E2F7: variants seen among roughly 807,000 people sequenced by gnomAD.
The protein encoded by E2F7 is transcription factor E2F7.
E2F7 carries 35 observed loss-of-function variants against 81.1 expected under a neutral mutation model. The observed-to-expected ratio is 0.43, with a 90% CI of 0.33 to 0.57. The LOEUF (loss-of-function observed/expected upper bound fraction) is 0.57, where lower values mean the gene tolerates loss of function less well. Ranked by LOEUF, E2F7 falls within the 20% of genes least tolerant of loss-of-function variation. The pLI, the probability that E2F7 is intolerant of heterozygous loss-of-function variation, is 0.04. For missense variants in E2F7, 961 were observed against 1,093.7 expected, an observed-to-expected ratio of 0.88 and a Z score of 1.71; for synonymous variants, 416 against 416.2, an observed-to-expected ratio of 1.00 and a Z score of 0.01.
chr12:77,033,442 G>C (rs1482768443), intron 8 of E2F7, among the ~76,000 whole-genome samples: 1 of 152,114 alleles, frequency 6.6e-6, no homozygotes, highest in Non-Finnish European at 1.5e-5. Flanking sequence ...AGTCTGAGAG[G>C]TCAAGGCTGC....
chr12:77,025,691 G>A lies in E2F7; in HGVS notation c.2432C>T (p.Ser811Phe). 6.2e-7 allele frequency: 1 copy of A among 1,614,220 alleles called. No homozygotes were observed. Among genetic ancestry groups the A allele is most frequent in the Non-Finnish European group, 8.5e-7 (1 of 1,180,052 alleles). ...VVNPKSSTLP[S>F]ADPQLQSQPS... The stretch of plus-strand genomic sequence containing the variant: ...CTGACTCTGAAGCTGAGGGTCTGCA[G>A]AAGGGAGTGTGGACGACTTTGGATT... Residue 811 changes from serine to phenylalanine, a missense_variant, in exon 12 of 13, where the codon TCT (serine) becomes TTT (phenylalanine). Ser to Phe is a radical substitution (Grantham distance 155, BLOSUM62 -2). Around this residue, in one of 3 missense-constraint regions of E2F7, gnomAD observed 587 missense variants for 620.3 expected, o/e 0.95. Coordinates refer to ENST00000322886, the MANE Select transcript of E2F7 (RefSeq NM_203394.3).
chr12:77,064,858 GA>G (rs968945405), intron 1 of E2F7, among the ~76,000 whole-genome samples: 2 of 152,126 alleles, frequency 1.3e-5, no homozygotes, highest in African/African-American at 2.4e-5. Context: ...AATCTGGGAA[GA>G]AAAAAATCTA....
At chr12:77,038,360 G>A (rs1042288394) in intron 7 of E2F7, among the ~76,000 whole-genome samples, 4 of 152,030 alleles carry the variant, frequency 2.6e-5, no homozygotes, top group African/African-American at 9.7e-5. Flanking sequence ...GACTCTATCT[G>A]TACCATAAAA....
At chr12:77,032,694 T>C (rs867382528) in intron 9 of E2F7, among the ~76,000 whole-genome samples, 3 of 152,238 alleles carry the variant, frequency 2.0e-5, no homozygotes, top group South Asian at 2.1e-4. Context: ...CTAAGGCTCC[T>C]GGAACGGTAC....
intron 2 of E2F7, among the ~76,000 whole-genome samples, chr12:77,063,045 C>T (rs577145899): frequency 3.9e-5 from 6 of 152,290 alleles, no homozygotes; most frequent in Non-Finnish European, 7.4e-5. Context: ...TGAAATCTCA[C>T]GTCATCCTGC....
chr12:77,045,874 C>A (rs1457045771), intron 5 of E2F7, 164 bp downstream of exon 5: 2 of 880,834 alleles, frequency 2.3e-6, no homozygotes, highest in African/African-American at 3.4e-5. Flanking sequence ...AGTGGGCAGT[C>A]CAGTTGGGGA....
At chr12:77,038,364 C>T (rs902373056) in intron 7 of E2F7, among the ~76,000 whole-genome samples, 4 of 151,952 alleles carry the variant, frequency 2.6e-5, no homozygotes, top group African/African-American at 9.7e-5. Context: ...CTATCTGTAC[C>T]ATAAAACAAG....
intron 6 of E2F7, among the ~76,000 whole-genome samples, chr12:77,044,046 G>A (rs1954918277): frequency 6.6e-6 from 1 of 152,150 alleles, no homozygotes; most frequent in African/African-American, 2.4e-5. Context: ...TAGGGTGACT[G>A]TAATTTCAGC....
At chr12:77,060,134 A>G (rs1003273386) in intron 2 of E2F7, among the ~76,000 whole-genome samples, 1 of 152,020 alleles carries the variant, frequency 6.6e-6, no homozygotes, top group East Asian at 1.9e-4. Flanking sequence ...TGATCCCAAG[A>G]GTACTTCCTA....
At position 77,044,707 on chromosome 12, in the gene E2F7, G is replaced by A. The variant is rs753470066; in HGVS notation, c.918C>T (p.Val306=). ...GTATTTTGGCAGCCACATCCAGAGT[G>A]ACAATCTTGGTTTTGGAGACGAGGA... The part of the protein sequence containing the change: ...MLFLVSKTKI[V]TLDVAAKILI... Residue 306 remains valine, a synonymous_variant, in exon 6 of 13, where the codon GTC becomes GTT. Coordinates refer to ENST00000322886, the MANE Select transcript of E2F7 (RefSeq NM_203394.3). 1.2e-6 allele frequency: 2 copies of A among 1,614,142 alleles called. No homozygotes were observed. Among genetic ancestry groups the A allele is most frequent in the Non-Finnish European group, 1.7e-6 (2 of 1,180,014 alleles).
chr12:77,025,928 C>G lies in E2F7; in HGVS notation c.2195G>C (p.Gly732Ala). ...AGACGGCAGCTGACCTGAGGACGGG[C>G]CCACAGTAGGGGGGGTTTGACTGCC... ...LSGSQTPPTVGPSSGQLPSFS... is the reference protein window; with the variant it reads ...LSGSQTPPTVAPSSGQLPSFS... The change falls in exon 12 of 13, where the codon GGC (glycine) becomes GCC (alanine). Residue 732 changes from glycine to alanine, a missense_variant. Physicochemically the swap from Gly to Ala is moderately conservative, Grantham distance 60 (BLOSUM62 0). Coordinates refer to ENST00000322886, the MANE Select transcript of E2F7 (RefSeq NM_203394.3). 6.2e-7 allele frequency: 1 copy of G among 1,613,960 alleles called. No individual in the cohort carries two copies. Among genetic ancestry groups the G allele is most frequent in the Non-Finnish European group, 8.5e-7 (1 of 1,179,966 alleles).
chr12:77,027,999 A>T lies in E2F7; in HGVS notation c.2024T>A (p.Val675Asp), dbSNP rs151334848. Residue 675 changes from valine (V) to aspartate (D), a missense_variant, in exon 11 of 13, where the codon GTT becomes GAT. Physicochemically the swap from Val to Asp is radical, Grantham distance 152. Coordinates refer to ENST00000322886, the MANE Select transcript of E2F7 (RefSeq NM_203394.3). The part of the protein sequence containing the change: ...ISGKATANSL[V>D]SSEWGNPSRN... ...TGAAGGATTTCCCCACTCAGAAGAA[A>T]CAAGAGAGTTTGCTGTTGCCTTTCC... The T allele has an allele frequency of 7.2e-5, 116 of 1,614,182 alleles. No individual in the cohort carries two copies. In the African/African-American group the frequency reaches 1.3e-3, roughly 19 times the overall value.
At chr12:77,027,855 G>C (rs761568077) in intron 11 of E2F7, 28 bp downstream of exon 11, 32 of 1,608,352 alleles carry the variant, frequency 2.0e-5, no homozygotes, top group Non-Finnish European at 2.7e-5. Flanking sequence ...TGCCGCAAGG[G>C]ACTCTAAGAC....
intron 5 of E2F7, 143 bp downstream of exon 5, chr12:77,045,895 T>C: frequency 9.1e-7 from 1 of 1,102,032 alleles, no homozygotes; most frequent in Non-Finnish European, 1.3e-6. Context: ...GCCATCTGCT[T>C]CTCTTTCTTC....
At position 77,050,377 on chromosome 12, in the gene E2F7, T is replaced by A. The variant is rs541460990; in HGVS notation, c.538+199A>T. Among the ~76,000 whole-genome samples the A allele has an allele frequency of 4.6e-5, 7 of 152,362 alleles. No individual in the cohort carries two copies. The South Asian group carries it at 1.4e-3, about 32-fold the overall frequency. Reference sequence around the variant, plus strand: ...GGTTAAAAAAGACTGCATTTTCATTTGGTCCTCAGGTCTAAAAGGCTCCCT... The same window carrying A: ...GGTTAAAAAAGACTGCATTTTCATTAGGTCCTCAGGTCTAAAAGGCTCCCT... On this transcript the variant is annotated intron_variant, in intron 4 of 12. Coordinates refer to ENST00000322886, the MANE Select transcript of E2F7 (RefSeq NM_203394.3).
chr12:77,045,184 C>A (rs1186535089), intron 5 of E2F7, among the ~76,000 whole-genome samples: 1 of 152,164 alleles, frequency 6.6e-6, no homozygotes, highest in Non-Finnish European at 1.5e-5. Flanking sequence ...CTCTCAAAGG[C>A]AAAAACTCCA....
At chr12:77,061,747 T>C (rs2369465) in intron 2 of E2F7, among the ~76,000 whole-genome samples, 36,015 of 152,154 alleles carry the variant, frequency 0.24, 4,744 homozygotes, top group East Asian at 0.54. Context: ...CCACTCCAGG[T>C]ATTCCCCGGA....
intron 2 of E2F7, among the ~76,000 whole-genome samples, chr12:77,062,484 G>T (rs1268530712): frequency 6.6e-6 from 1 of 152,144 alleles, no homozygotes; most frequent in African/African-American, 2.4e-5. Context: ...TAACTCTGTG[G>T]AAGCACCCTG....
At chr12:77,064,786 T>C (rs1955104543) in intron 1 of E2F7, 151 bp from the exon 2 acceptor site, 3 of 619,274 alleles carry the variant, frequency 4.8e-6, no homozygotes, top group Admixed American at 3.1e-5. Context: ...GTAGCCACCC[T>C]CAACTTTCTA....
Sources: gnomAD v4.1 joint callset for allele counts (sites outside exome capture counted in the v4.1 genomes callset) on GRCh38, gnomAD v4.1.1 for gene constraint, gnomAD v4.1.1 regional missense constraint, MANE v1.5 for transcripts, NCBI Gene and HGNC (gene_info 2026-07-23, HGNC 2026-07-21) for gene names.